The following SLC47A1 variants were observed in gnomAD, a reference collection of about 807,000 sequenced individuals.
SLC47A1 encodes multidrug and toxin extrusion protein 1.
A neutral mutation model predicts 65.8 loss-of-function variants in SLC47A1; 58 were observed. The observed-to-expected ratio is 0.88, with a 90% CI of 0.71 to 1.10. The LOEUF is 1.10. Ranked by LOEUF, SLC47A1 falls within the 50% of genes least tolerant of loss-of-function variation. The pLI is 0.00. For synonymous variants in SLC47A1, 285 were observed against 295.0 expected (o/e 0.97, Z 0.35); for missense variants, 706 against 719.2 (o/e 0.98, Z 0.21).
intron 6 of SLC47A1, among the ~76,000 whole-genome samples, chr17:19,553,183 A>G (rs1190118999): frequency 6.6e-6 from 1 of 151,930 alleles, no homozygotes; most frequent in Non-Finnish European, 1.5e-5. Flanking sequence ...ATGCCCTCGG[A>G]GAGGGTGGAG....
rs2084450945 is a variant in SLC47A1, at chr17:19,577,561, G to A, written c.*8G>A. 1 of 1,613,638 alleles carries A rather than the reference G, an allele frequency of 6.2e-7. No individual in the cohort carries two copies. Among genetic ancestry groups the A allele is most frequent in the African/African-American group, 1.3e-5 (1 of 74,898 alleles). On this transcript the variant is annotated 3_prime_UTR_variant, in exon 17 of 17. Transcript: ENST00000270570. ...TATGTCAGAATTCAGTGACGTGGTA[G>A]GAAAGAAAGTCAGGTCAAGTGATGC... is the stretch of plus-strand genomic sequence containing the variant.
chr17:19,568,418 T>C (rs2084376131), intron 14 of SLC47A1, among the ~76,000 whole-genome samples: 1 of 152,230 alleles, frequency 6.6e-6, no homozygotes, highest in Non-Finnish European at 1.5e-5. Flanking sequence ...ATCTAATTTA[T>C]TTTTATTTTT....
chr17:19,536,972 A>G lies in SLC47A1; in HGVS notation c.135+2898A>G, dbSNP rs1016886074. Among the ~76,000 whole-genome samples, 3 of 152,240 alleles carry G rather than the reference A, an allele frequency of 2.0e-5. No homozygotes were observed. In the South Asian group the frequency reaches 6.2e-4, roughly 31 times the overall value. ...TGCTTATTTCTCAAAAGATGCGTCC[A>G]TTTTATCCTGGAGAAAGCTTGAGGA... On this transcript the variant is annotated intron_variant, in intron 1 of 16. Coordinates refer to ENST00000270570, the MANE Select transcript of SLC47A1 (RefSeq NM_018242.3).
In SLC47A1 at chr17:19,567,284, C is replaced by T. The variant is rs115444293; in HGVS notation, c.1309+56C>T. 723 of 1,610,024 alleles carry T rather than the reference C, an allele frequency of 4.5e-4. 4 individuals are homozygous for T. The African/African-American group carries it at 7.9e-3, about 18-fold the overall frequency. On this transcript the variant is annotated intron_variant, in intron 14 of 16. Transcript: ENST00000270570. Reference sequence around the variant, plus strand: ...GCTGCTCACCAGCCCAGGAAATGACCGTCGGAGCACACGGGTCTTTGACTG... The same window carrying T: ...GCTGCTCACCAGCCCAGGAAATGACTGTCGGAGCACACGGGTCTTTGACTG...
chr17:19,558,563 C>T (rs1916685148), intron 10 of SLC47A1, among the ~76,000 whole-genome samples: 2 of 151,962 alleles, frequency 1.3e-5, no homozygotes, highest in South Asian at 2.1e-4. Context: ...AGCAATCCTC[C>T]CACCTCAGCC....
chr17:19,567,056 C>A, intron 13 of SLC47A1, 40 bp from the exon 14 acceptor site: 3 of 1,613,636 alleles, frequency 1.9e-6, no homozygotes, highest in Non-Finnish European at 2.5e-6. Context: ...TTCAAGAGCG[C>A]CGGATGTGTT....
chr17:19,573,787 T>C (rs2084418312), intron 16 of SLC47A1, among the ~76,000 whole-genome samples: 1 of 152,138 alleles, frequency 6.6e-6, no homozygotes, highest in Non-Finnish European at 1.5e-5. Flanking sequence ...AGGATTTTCT[T>C]TTCCTTCTGT....
intron 5 of SLC47A1, 107 bp downstream of exon 5, chr17:19,549,784 C>T (rs760946032): frequency 7.3e-5 from 91 of 1,242,204 alleles, no homozygotes; most frequent in Non-Finnish European, 9.8e-5. Context: ...TGATTCTTAT[C>T]TGTGGTGTTG....
chr17:19,549,966 T>G (rs1916401369), intron 5 of SLC47A1, among the ~76,000 whole-genome samples: 1 of 152,202 alleles, frequency 6.6e-6, no homozygotes, highest in African/African-American at 2.4e-5. Context: ...AAGGGCAAAG[T>G]CTCACCCATC....
chr17:19,572,907 G>C, intron 16 of SLC47A1, 46 bp downstream of exon 16: 1 of 1,535,352 alleles, frequency 6.5e-7, no homozygotes, highest in Non-Finnish European at 9.0e-7. Flanking sequence ...GTCTAGGTAG[G>C]ACTGGAGGGG....
intron 1 of SLC47A1, among the ~76,000 whole-genome samples, chr17:19,539,955 A>T (rs943758215): frequency 6.6e-6 from 1 of 152,128 alleles, no homozygotes; most frequent in African/African-American, 2.4e-5. Context: ...GACTTTCAGG[A>T]TGGGCTGACT....
chr17:19,573,661 G>C (rs2152317777), intron 16 of SLC47A1, among the ~76,000 whole-genome samples: 1 of 152,206 alleles, frequency 6.6e-6, no homozygotes, highest in Middle Eastern at 3.4e-3. Context: ...GGGATTACAG[G>C]CGTGAGCCAC....
In SLC47A1 at chr17:19,552,079, C is replaced by T. The variant is rs146568835; in HGVS notation, c.543+611C>T. On this transcript the variant is annotated intron_variant, in intron 6 of 16. Coordinates refer to ENST00000270570, the MANE Select transcript of SLC47A1 (RefSeq NM_018242.3). ...ATAAGTCCAGGTAAACAGGGGTACT[C>T]GGCAATGGATCCCGGCCACACTGGC... 1.4e-4 allele frequency among the ~76,000 whole-genome samples: 21 copies of T among 152,284 alleles called. No individual in the cohort carries two copies. In the East Asian group the frequency reaches 3.5e-3, roughly 25 times the overall value.
At chr17:19,576,739 C>CT (rs59607900) in intron 16 of SLC47A1, among the ~76,000 whole-genome samples, 33,178 of 145,556 alleles carry the variant, frequency 0.23, 3,985 homozygotes, top group African/African-American at 0.32. Flanking sequence ...CCTGTGAATC[C>CT]TTTTTTTTTT....
chr17:19,577,448 A>C lies in SLC47A1; in HGVS notation c.1608A>C (p.Lys536Asn). Residue 536 changes from lysine to asparagine, a missense_variant, in exon 17 of 17, where the codon AAA (lysine) becomes AAC (asparagine). Lys to Asn is a moderately conservative substitution (Grantham distance 94, BLOSUM62 0). Transcript: ENST00000270570. ...PLPEHPQDGA[K>N]LSRKQLVLRR... ...CGGAACATCCACAGGACGGCGCTAA[A>C]TTGTCCAGGAAACAGCTGGTGCTGC... 6.2e-7 allele frequency: 1 copy of C among 1,614,158 alleles called. No homozygotes were observed. Among genetic ancestry groups the C allele is most frequent in the Non-Finnish European group, 8.5e-7 (1 of 1,180,030 alleles).
Position 19,565,443 on chromosome 17 carries a change from G to C in SLC47A1, c.1107-1347G>C, listed in dbSNP as rs186717913. 8.8e-3 allele frequency among the ~76,000 whole-genome samples: 1,332 copies of C among 152,226 alleles called. 13 individuals are homozygous for C. Among genetic ancestry groups the C allele is most frequent in the Non-Finnish European group, 0.014 (975 of 68,020 alleles). On this transcript the variant is annotated intron_variant, in intron 12 of 16. Coordinates refer to ENST00000270570, the MANE Select transcript of SLC47A1 (RefSeq NM_018242.3). Reference sequence around the variant, plus strand: ...CAGCCAAACTTCTTTTCAGCTGATGGGGAACGGGGGAGGGATGTCACCAAA... The same window carrying C: ...CAGCCAAACTTCTTTTCAGCTGATGCGGAACGGGGGAGGGATGTCACCAAA...
intron 10 of SLC47A1, chr17:19,557,198 G>A (rs2152314794): frequency 6.4e-6 from 1 of 155,156 alleles, no homozygotes; most frequent in South Asian, 1.9e-4. Context: ...CTCTGATATT[G>A]GTTATGTTTT....
chr17:19,549,112 T>C (rs1916373042), intron 4 of SLC47A1, among the ~76,000 whole-genome samples: 1 of 152,110 alleles, frequency 6.6e-6, no homozygotes, highest in South Asian at 2.1e-4. Context: ...AACCCTGTCC[T>C]AGACATAAAG....
chr17:19,558,571 G>A (rs1433034391), intron 10 of SLC47A1, among the ~76,000 whole-genome samples: 1 of 151,714 alleles, frequency 6.6e-6, no homozygotes, highest in East Asian at 1.9e-4. Flanking sequence ...TCCCACCTCA[G>A]CCTCCTGAGT....
Sources: allele counts gnomAD v4.1 joint callset (sites outside exome capture counted in the v4.1 genomes callset), GRCh38; gene constraint gnomAD v4.1.1; transcripts MANE v1.5; gene names NCBI Gene and HGNC (gene_info 2026-07-23, HGNC 2026-07-21).